Variants in CCDC62 observed in about 807,000 individuals in gnomAD.
The protein encoded by CCDC62 is coiled-coil domain-containing protein 62.
CCDC62 carries 72 observed loss-of-function variants against 80.8 expected under a neutral mutation model. The observed-to-expected ratio is 0.89, with a 90% confidence interval of 0.74 to 1.08. CCDC62 has a LOEUF of 1.08. Ranked by LOEUF, CCDC62 falls within the 50% of genes least tolerant of loss-of-function variation. The probability of loss-of-function intolerance (pLI) is 0.00; values close to 1 mark genes in which losing one functional copy is unlikely to be tolerated. For synonymous variants in CCDC62, 286 were observed against 296.5 expected, an observed-to-expected ratio of 0.96 and a Z score of 0.36; for missense variants, 704 against 809.4, an observed-to-expected ratio of 0.87 and a Z score of 1.58.
intron 2 of CCDC62, among the ~76,000 whole-genome samples, chr12:122,780,902 TTACTC>T (rs1167756850): frequency 1.3e-5 from 2 of 152,186 alleles, no homozygotes; most frequent in East Asian, 1.9e-4. Flanking sequence ...AAGGAAGTGA[TTACTC>T]TAAGATCAGG....
In CCDC62 at chr12:122,788,474, A is replaced by G. The variant is rs543260509; in HGVS notation, c.499-284A>G. ...GAGAGAGAGTAAGGGGTAGTGGTTC[A>G]GTACATAGTGTCTGAGGCAGCCAGC... On this transcript the variant is annotated intron_variant, in intron 4 of 12. Coordinates refer to ENST00000253079, the MANE Select transcript of CCDC62 (RefSeq NM_201435.5). Among the ~76,000 whole-genome samples, 11 of 152,330 alleles carry G rather than the reference A, an allele frequency of 7.2e-5. No individual in the cohort carries two copies. The South Asian group carries it at 2.3e-3, about 32-fold the overall frequency.
At position 122,797,345 on chromosome 12, in the gene CCDC62, G is replaced by A. The variant is rs146255239; in HGVS notation, c.811G>A (p.Ala271Thr). 1.3e-6 allele frequency: 2 copies of A among 1,598,080 alleles called. No homozygotes were observed. Among genetic ancestry groups the A allele is most frequent in the South Asian group, 1.1e-5 (1 of 90,714 alleles). The change falls in exon 7 of 13, where the codon GCG becomes ACG. Residue 271 changes from alanine to threonine, a missense_variant. Ala to Thr is a moderately conservative substitution (Grantham distance 58). Transcript: ENST00000253079. ...GAGGAAAGATGAATTGCTTAATATTGCGAAGTCAAAGCAAGAACGCACAAA... is the reference window on the plus strand; with the variant it reads ...GAGGAAAGATGAATTGCTTAATATTACGAAGTCAAAGCAAGAACGCACAAA... ...EKRKDELLNI[A>T]KSKQERTNSE...
chr12:122,790,328 G>C lies in CCDC62; in HGVS notation c.670+1399G>C, dbSNP rs573314864. ...CCTCCCAAAAGTGCTGGGATTACAG[G>C]CATGAGCCACCACACCCAGCTTAAA... On this transcript the variant is annotated intron_variant, in intron 5 of 12. Transcript: ENST00000253079. Among the ~76,000 whole-genome samples the C allele has an allele frequency of 4.0e-5, 6 of 150,986 alleles. No homozygotes were observed. The East Asian group carries it at 1.2e-3, about 30-fold the overall frequency.
At chr12:122,814,032 A>C (rs969018751) in intron 11 of CCDC62, among the ~76,000 whole-genome samples, 1 of 151,502 alleles carries the variant, frequency 6.6e-6, no homozygotes, top group African/African-American at 2.4e-5. Context: ...CTGTAATCCC[A>C]GCACTTTGGG....
chr12:122,801,953 A>G (rs2135561462), intron 9 of CCDC62, 101 bp downstream of exon 9: 2 of 1,261,388 alleles, frequency 1.6e-6, no homozygotes, highest in Non-Finnish European at 2.2e-6. Context: ...TATTAATCCA[A>G]AAGGCATGTT....
intron 11 of CCDC62, among the ~76,000 whole-genome samples, chr12:122,816,409 A>C (rs2032165034): frequency 1.3e-5 from 2 of 152,082 alleles, no homozygotes; most frequent in African/African-American, 4.8e-5. Flanking sequence ...TTTGGCAGCT[A>C]TTTCTTTAAA....
intron 12 of CCDC62, among the ~76,000 whole-genome samples, chr12:122,824,172 T>C (rs1452319490): frequency 4.6e-5 from 7 of 152,020 alleles, no homozygotes; most frequent in Admixed American, 4.6e-4. Flanking sequence ...TCATAGCACT[T>C]TGGGAGGCCA....
chr12:122,797,278 A>C, intron 6 of CCDC62, 29 bp from the exon 7 acceptor site: 1 of 1,100,276 alleles, frequency 9.1e-7, no homozygotes, highest in Non-Finnish European at 1.4e-6. Flanking sequence ...AGCTGATGAA[A>C]AATGTTAATA....
intron 5 of CCDC62, among the ~76,000 whole-genome samples, chr12:122,790,777 G>T (rs2030554641): frequency 6.6e-6 from 1 of 152,232 alleles, no homozygotes; most frequent in South Asian, 2.1e-4. Flanking sequence ...GGTGTTTCTG[G>T]TGGCTGTCTG....
chr12:122,779,306 G>A (rs146853693), intron 2 of CCDC62, among the ~76,000 whole-genome samples: 180 of 152,330 alleles, frequency 1.2e-3, no homozygotes, highest in African/African-American at 4.1e-3. Flanking sequence ...AGGGAAAGCT[G>A]AGACGCTGCT....
intron 6 of CCDC62, among the ~76,000 whole-genome samples, chr12:122,792,388 A>T (rs1245068815): frequency 4.1e-5 from 6 of 147,626 alleles, no homozygotes; most frequent in South Asian, 2.2e-4. Context: ...GCCCGGCTAA[A>T]TTTTGTATAT....
At chr12:122,788,982 T>C in intron 5 of CCDC62, 53 bp downstream of exon 5, 1 of 1,393,164 alleles carries the variant, frequency 7.2e-7, no homozygotes, top group Non-Finnish European at 9.7e-7. Context: ...GGGAATATAG[T>C]TTTTCATCTG....
Position 122,801,577 on chromosome 12 carries a change from A to G in CCDC62, c.1431A>G (p.Lys477=). ...YLGLTNCPSS[K]HPEKLDVECQ... ...GCCTGACCAACTGTCCAAGTTCAAA[A>G]CATCCAGAAAAGCTGGATGTAGAAT... is the stretch of plus-strand genomic sequence containing the variant. Residue 477 remains lysine (K), a synonymous_variant, in exon 9 of 13, where the codon AAA becomes AAG. Coordinates refer to ENST00000253079, the MANE Select transcript of CCDC62 (RefSeq NM_201435.5). The G allele has an allele frequency of 1.2e-6, 2 of 1,614,174 alleles. No individual in the cohort carries two copies. Among genetic ancestry groups the G allele is most frequent in the Non-Finnish European group, 1.7e-6 (2 of 1,180,032 alleles).
chr12:122,777,802 C>T (rs1593775385), intron 2 of CCDC62, 119 bp downstream of exon 2: 2 of 904,078 alleles, frequency 2.2e-6, no homozygotes, highest in East Asian at 2.6e-5. Flanking sequence ...CAAGTTTAGG[C>T]TCATTGGAGA....
At chr12:122,797,016 C>G (rs1297493325) in intron 6 of CCDC62, among the ~76,000 whole-genome samples, 1 of 151,532 alleles carries the variant, frequency 6.6e-6, no homozygotes, top group Non-Finnish European at 1.5e-5. Context: ...AGTAGCTGGA[C>G]CACAGGCAGG....
At chr12:122,820,756 G>A (rs1278618549) in intron 11 of CCDC62, among the ~76,000 whole-genome samples, 3 of 150,626 alleles carry the variant, frequency 2.0e-5, no homozygotes, top group African/African-American at 4.9e-5. Context: ...CACTAGAATC[G>A]CTTGAACCCA....
intron 11 of CCDC62, among the ~76,000 whole-genome samples, chr12:122,815,254 T>C (rs1023856231): frequency 2.6e-5 from 4 of 151,044 alleles, no homozygotes; most frequent in African/African-American, 9.8e-5. Flanking sequence ...GATGTTTTTA[T>C]TTTTTGTAGA....
chr12:122,825,849 C>T (rs373698393), intron 12 of CCDC62, among the ~76,000 whole-genome samples: 80 of 146,994 alleles, frequency 5.4e-4, no homozygotes, highest in African/African-American at 1.9e-3. Flanking sequence ...AAAAATTAGC[C>T]GGGCATGGAG....
At chr12:122,787,635 C>CA (rs1203851739) in intron 4 of CCDC62, among the ~76,000 whole-genome samples, 2 of 151,840 alleles carry the variant, frequency 1.3e-5, no homozygotes, top group East Asian at 3.8e-4. Flanking sequence ...CCTGTAGTCC[C>CA]AGCTACTCAG....
Sources: allele counts gnomAD v4.1 joint callset (sites outside exome capture counted in the v4.1 genomes callset), GRCh38; gene constraint gnomAD v4.1.1; transcripts MANE v1.5; gene names NCBI Gene and HGNC (gene_info 2026-07-23, HGNC 2026-07-21).